The following C6orf89 variants were observed in gnomAD, a reference collection of about 807,000 sequenced individuals.
The protein encoded by C6orf89 is bombesin receptor-activated protein C6orf89.
C6orf89 carries 29 observed loss-of-function variants against 40.7 expected under a neutral mutation model. The ratio of observed to expected loss-of-function variants is 0.71; its 90% CI spans 0.53 to 0.97. The LOEUF is 0.97. Among genes scored for constraint, C6orf89 ranks in the 50% least tolerant of loss-of-function variants. C6orf89 has a pLI of 0.00. For synonymous variants in C6orf89, 165 were observed against 152.2 expected (o/e 1.08, Z -0.62); for missense variants, 392 against 429.1 (o/e 0.91, Z 0.76).
chr6:36,879,799 C>T (rs577584023), intron 2 of C6orf89, among the ~76,000 whole-genome samples: 46 of 152,168 alleles, frequency 3.0e-4, no homozygotes, highest in African/African-American at 9.9e-4. Context: ...AACTTGACCT[C>T]GTAACCACGT....
intron 3 of C6orf89, 73 bp from the exon 4 acceptor site, chr6:36,902,143 CTGTTT>C (rs1761746075): frequency 3.3e-6 from 4 of 1,227,380 alleles, no homozygotes; most frequent in African/African-American, 1.5e-5. Flanking sequence ...CAGAAGAAGC[CTGTTT>C]TGTTTTGTTT....
At chr6:36,884,343 C>G (rs904308180), upstream of C6orf89, among the ~76,000 whole-genome samples, 3 of 152,164 alleles carry the variant, frequency 2.0e-5, no homozygotes, top group Non-Finnish European at 4.4e-5. This position sits in a 1 kb window ranked among gnomAD's most constrained non-coding sequence, Gnocchi z 4.0. Context: ...GACTCTTCAT[C>G]TAACTCATTC....
intron 4 of C6orf89, 133 bp from the exon 5 acceptor site, chr6:36,914,151 C>T: frequency 2.3e-6 from 2 of 879,168 alleles, no homozygotes; most frequent in Non-Finnish European, 3.3e-6. Flanking sequence ...CAGAGTGAGA[C>T]TCTGTCTCAA....
At chr6:36,923,156 C>A (rs1231930364) in intron 8 of C6orf89, among the ~76,000 whole-genome samples, 191 bp from the exon 9 acceptor site, 2 of 150,574 alleles carry the variant, frequency 1.3e-5, no homozygotes, top group Non-Finnish European at 2.9e-5. Context: ...TATAGTGAGA[C>A]CCCTATCTCT....
intron 2 of C6orf89, among the ~76,000 whole-genome samples, chr6:36,897,296 C>T (rs1424620070): frequency 6.6e-6 from 1 of 151,882 alleles, no homozygotes; most frequent in East Asian, 1.9e-4. Context: ...CCATATACAC[C>T]CAAATCCTTG....
At chr6:36,913,972 G>A (rs889351404) in intron 4 of C6orf89, among the ~76,000 whole-genome samples, 52 of 152,108 alleles carry the variant, frequency 3.4e-4, no homozygotes, top group African/African-American at 1.2e-3. Context: ...ACCAGCCTGG[G>A]CAACATGGCA....
At chr6:36,913,407 A>G (rs1762195229) in intron 4 of C6orf89, among the ~76,000 whole-genome samples, 2 of 152,192 alleles carry the variant, frequency 1.3e-5, no homozygotes, top group Admixed American at 1.3e-4. Flanking sequence ...AGTCCTGTCT[A>G]CCCTCTCCAT....
chr6:36,883,799 C>T (rs1412985773), upstream of C6orf89, among the ~76,000 whole-genome samples: 1 of 152,190 alleles, frequency 6.6e-6, no homozygotes, highest in Non-Finnish European at 1.5e-5. Context: ...TGAAATGTCT[C>T]CCTCATAATA....
intron 2 of C6orf89, among the ~76,000 whole-genome samples, chr6:36,894,868 T>C (rs1007313448): frequency 2.6e-5 from 4 of 152,116 alleles, no homozygotes; most frequent in African/African-American, 9.7e-5. Context: ...CTTCCTGAAG[T>C]GTTCATAGAT....
intron 2 of C6orf89, among the ~76,000 whole-genome samples, chr6:36,879,790 A>T (rs373341569): frequency 6.6e-6 from 1 of 152,250 alleles, no homozygotes; most frequent in East Asian, 1.9e-4. Flanking sequence ...GTCCTTGGGA[A>T]CTTGACCTCG....
chr6:36,912,014 G>A (rs1762147207), intron 4 of C6orf89, among the ~76,000 whole-genome samples: 1 of 148,550 alleles, frequency 6.7e-6, no homozygotes. Flanking sequence ...TCTCTTCTAG[G>A]GCACCCTAAT....
At chr6:36,875,520 G>A (rs771880449) in intron 1 of C6orf89, among the ~76,000 whole-genome samples, 1 of 152,246 alleles carries the variant, frequency 6.6e-6, no homozygotes, top group Non-Finnish European at 1.5e-5. Context: ...TGGGATAGAT[G>A]GTACCTGAAA....
intron 2 of C6orf89, among the ~76,000 whole-genome samples, chr6:36,898,937 G>T (rs767790849): frequency 5.3e-5 from 8 of 152,172 alleles, no homozygotes; most frequent in Admixed American, 1.3e-4. Flanking sequence ...TTATCAGCCT[G>T]TTGCTCTCAG....
Position 36,886,025 on chromosome 6 carries a change from G to T in C6orf89, c.-123G>T. 8.0e-7 allele frequency: 1 copy of T among 1,257,126 alleles called. No individual in the cohort carries two copies. Among genetic ancestry groups the T allele is most frequent in the Non-Finnish European group, 1.0e-6 (1 of 997,958 alleles). The allele number at this position is 1,257,126 out of a possible 1,614,324, so 77.9% of individuals were successfully genotyped here. ...GAGGAGCCCGAGGGGCGCGAGCCCC[G>T]CATGTGAGTGACTGGGGCCCGAGGC... On this transcript the variant is annotated 5_prime_UTR_variant, in exon 1 of 9. Coordinates refer to ENST00000480824, the MANE Select transcript of C6orf89 (RefSeq NM_001286635.2).
chr6:36,901,170 T>C (rs1448927451), intron 3 of C6orf89, among the ~76,000 whole-genome samples: 1 of 150,912 alleles, frequency 6.6e-6, no homozygotes, highest in African/African-American at 2.4e-5. Flanking sequence ...TTGGTAGAGG[T>C]GGGGTTTCAC....
intron 1 of C6orf89, among the ~76,000 whole-genome samples, chr6:36,888,167 G>A (rs1207803569): frequency 6.6e-6 from 1 of 152,154 alleles, no homozygotes; most frequent in Non-Finnish European, 1.5e-5. Context: ...GAAAACTGAG[G>A]CTTAGAGAGG....
rs1171021361 is a variant in C6orf89, at chr6:36,923,501, A to T, written c.*60A>T. The T allele has an allele frequency of 3.7e-6, 5 of 1,343,544 alleles. No individual in the cohort carries two copies. The highest frequency in any genetic ancestry group is 5.3e-6 in the Non-Finnish European group (5 of 937,938). 83.2% of individuals were successfully genotyped at this position (1,343,544 alleles called of 1,614,324 possible). A position where few individuals can be genotyped will look rare whatever the true frequency, so the allele number is the denominator to read the frequency against. ...CCGAAAACCAGGTTGAAAGGGGAAA[A>T]ATAAAAACAAAAACGATGAAACTGC... On this transcript the variant is annotated 3_prime_UTR_variant, in exon 9 of 9. Coordinates refer to ENST00000480824, the MANE Select transcript of C6orf89 (RefSeq NM_001286635.2).
intron 1 of C6orf89, chr6:36,874,694 C>A (rs374192648): frequency 3.0e-5 from 48 of 1,613,034 alleles, no homozygotes; most frequent in Non-Finnish European, 4.1e-5. Flanking sequence ...CTCTGCCAGC[C>A]CCAGACGCCC....
chr6:36,907,161 G>A (rs1170328907), intron 4 of C6orf89, among the ~76,000 whole-genome samples: 2 of 152,170 alleles, frequency 1.3e-5, no homozygotes, highest in Non-Finnish European at 2.9e-5. Context: ...TCTCAACAAA[G>A]CAGTGAACAA....
Sources: allele counts gnomAD v4.1 joint callset (sites outside exome capture counted in the v4.1 genomes callset), GRCh38; gene constraint gnomAD v4.1.1; non-coding constraint Gnocchi (gnomAD v3.1); transcripts MANE v1.5; gene names NCBI Gene and HGNC (gene_info 2026-07-23, HGNC 2026-07-21).